Variants in PCDHGB5 observed in about 807,000 individuals in gnomAD.
PCDHGB5 encodes the protein protocadherin gamma subfamily B, 5.
A neutral mutation model predicts 62.9 loss-of-function variants in PCDHGB5; 48 were observed. That is an observed-to-expected ratio of 0.76 (90% CI 0.61 to 0.97). The LOEUF (loss-of-function observed/expected upper bound fraction) is 0.97, where lower values mean the gene tolerates loss of function less well. PCDHGB5 is among the 50% of genes least tolerant of loss of function. The pLI is 0.00. For missense variants in PCDHGB5, 1,118 were observed against 1,198.6 expected, an observed-to-expected ratio of 0.93 and a Z score of 0.99; for synonymous variants, 474 against 511.2, an observed-to-expected ratio of 0.93 and a Z score of 0.98.
At chr5:141,454,953 G>A (rs1304192945) in intron 1 of PCDHGB5, among the ~76,000 whole-genome samples, 4 of 150,686 alleles carry the variant, frequency 2.7e-5, no homozygotes, top group Admixed American at 6.6e-5. Context: ...GACTACAGGC[G>A]CCGGCCACCA....
chr5:141,414,850 C>T, intron 1 of PCDHGB5: 1 of 1,614,212 alleles, frequency 6.2e-7, no homozygotes, highest in Non-Finnish European at 8.5e-7. Flanking sequence ...TGTGCTGGAC[C>T]AGAACGACAA....
chr5:141,500,493 G>A (rs1239876467), intron 2 of PCDHGB5, among the ~76,000 whole-genome samples: 1 of 152,166 alleles, frequency 6.6e-6, no homozygotes, highest in Admixed American at 6.5e-5. Context: ...ACAGGCGTGA[G>A]CCACCGCGCC....
chr5:141,414,413 C>T, intron 1 of PCDHGB5: 1 of 1,613,830 alleles, frequency 6.2e-7, no homozygotes. Flanking sequence ...ATACACAGAG[C>T]CCTTGACAGG....
intron 1 of PCDHGB5, among the ~76,000 whole-genome samples, chr5:141,488,139 T>A (rs906194527): frequency 6.6e-6 from 1 of 152,084 alleles, no homozygotes; most frequent in Non-Finnish European, 1.5e-5. Context: ...AGGAGAGAAC[T>A]AAAGGAATAG....
chr5:141,497,412 A>G (rs963440048), intron 2 of PCDHGB5, among the ~76,000 whole-genome samples: 13 of 151,982 alleles, frequency 8.6e-5, no homozygotes, highest in African/African-American at 3.1e-4. Flanking sequence ...CTCCCATTCC[A>G]TCAAATGAGA....
At position 141,398,675 on chromosome 5, in the gene PCDHGB5, A is replaced by G. The variant is rs1462726875; in HGVS notation, c.548A>G (p.Lys183Arg). The change falls in exon 1 of 4, where the codon AAG becomes AGG. Residue 183 changes from lysine to arginine, a missense_variant. Coordinates refer to ENST00000617380, the MANE Select transcript of PCDHGB5 (RefSeq NM_018925.3). ...AACCCAAGTTTCTCATTAATAATTA[A>G]GGAGAAACAGGATGGTAGTAAATAC... is the stretch of plus-strand genomic sequence containing the variant. ...SLNPSFSLII[K>R]EKQDGSKYPE... 6.2e-6 allele frequency: 10 copies of G among 1,613,974 alleles called. No individual in the cohort carries two copies. The highest frequency in any genetic ancestry group is 2.2e-5 in the East Asian group (1 of 44,890).
intron 1 of PCDHGB5, among the ~76,000 whole-genome samples, chr5:141,447,954 CGGACACCTA>C (rs2098556369): frequency 6.6e-6 from 1 of 151,814 alleles, no homozygotes; most frequent in Non-Finnish European, 1.5e-5. Context: ...GGCATGGTGG[CGGACACCTA>C]TAATCCCAGC....
intron 1 of PCDHGB5, among the ~76,000 whole-genome samples, chr5:141,425,699 G>A (rs535043616): frequency 6.6e-6 from 1 of 152,260 alleles, no homozygotes; most frequent in Non-Finnish European, 1.5e-5. Context: ...ATTTCATAGT[G>A]GTCAAAATTT....
chr5:141,509,350 G>C (rs2099876432), intron 3 of PCDHGB5, among the ~76,000 whole-genome samples: 5 of 152,142 alleles, frequency 3.3e-5, no homozygotes. Flanking sequence ...GGGCTGGCCT[G>C]GGCATCCCTG....
Position 141,432,044 on chromosome 5 carries a change from A to T in PCDHGB5, c.2397+31520A>T. 6.2e-7 allele frequency: 1 copy of T among 1,613,886 alleles called. No individual in the cohort carries two copies. Among genetic ancestry groups the T allele is most frequent in the Non-Finnish European group, 8.5e-7 (1 of 1,179,922 alleles). ...CACAGTGACCGCCACTGACCGGGGA[A>T]CCCCGCCCCTATCCACGGAAACTCA... On this transcript the variant is annotated intron_variant, in intron 1 of 3. Coordinates refer to ENST00000617380, the MANE Select transcript of PCDHGB5 (RefSeq NM_018925.3). This position sits in a 1 kb window ranked among gnomAD's most constrained non-coding sequence, Gnocchi z 6.0.
intron 1 of PCDHGB5, chr5:141,410,939 C>T (rs960754863): frequency 5.1e-5 from 10 of 195,446 alleles, no homozygotes; most frequent in South Asian, 1.1e-4. Flanking sequence ...CTGCAACCTC[C>T]GCCTTCTGGG....
rs769671283 is a variant in PCDHGB5, at chr5:141,511,391, C to A, written c.*218C>A. 1 of 1,079,748 alleles carries A rather than the reference C, an allele frequency of 9.3e-7. No homozygotes were observed. The allele number at this position is 1,079,748 out of a possible 1,614,324, so 66.9% of individuals were successfully genotyped here. On this transcript the variant is annotated 3_prime_UTR_variant, in exon 4 of 4. Transcript: ENST00000617380. ...TGCAAAAGCAGTTCCGCTGGGAACC[C>A]CCATCCAATCAACTGCTGTACCCAT...
chr5:141,443,166 C>T (rs914863821), intron 1 of PCDHGB5, among the ~76,000 whole-genome samples: 2 of 152,124 alleles, frequency 1.3e-5, no homozygotes, highest in African/African-American at 4.8e-5. Context: ...ATTTCCCTAC[C>T]CATGTCCACT....
In PCDHGB5 at chr5:141,454,796, A is replaced by ATTTTTTTTTTTTTTTTTTTTT. The variant is rs61612330; in HGVS notation, c.2398-40002_2398-39982dup. Reference sequence around the variant, plus strand: ...AAGGAAATAATCCTCCATGGTTCTAATTTTTTTTTTTTTTTTTTTTTTTTT... The same window carrying ATTTTTTTTTTTTTTTTTTTTT: ...AAGGAAATAATCCTCCATGGTTCTAATTTTTTTTTTTTTTTTTTTTTTTTTTTTTTTTTTTTTTTTTTTTTT... On this transcript the variant is annotated intron_variant, in intron 1 of 3. Transcript: ENST00000617380. Among the ~76,000 whole-genome samples, 10 of 77,454 alleles carry ATTTTTTTTTTTTTTTTTTTTT rather than the reference A, an allele frequency of 1.3e-4. 1 individual carries two copies. Among genetic ancestry groups the ATTTTTTTTTTTTTTTTTTTTT allele is most frequent in the Non-Finnish European group, 1.9e-4 (8 of 42,810 alleles). The allele number at this position is 77,454 out of a possible 152,430, so 50.8% of individuals were successfully genotyped here. A position where few individuals can be genotyped will look rare whatever the true frequency, so the allele number is the denominator to read the frequency against.
chr5:141,495,028 G>C, intron 2 of PCDHGB5, 163 bp downstream of exon 2: 3 of 966,196 alleles, frequency 3.1e-6, no homozygotes, highest in Non-Finnish European at 3.7e-6. Flanking sequence ...CACAGACCCC[G>C]GAAGGAAGAG....
intron 1 of PCDHGB5, chr5:141,423,181 C>T: frequency 1.2e-6 from 2 of 1,613,578 alleles, no homozygotes; most frequent in East Asian, 2.2e-5. Flanking sequence ...GGACCACGGC[C>T]AGCCCCCTCT....
chr5:141,409,179 G>A, intron 1 of PCDHGB5: 1 of 1,613,988 alleles, frequency 6.2e-7, no homozygotes. Context: ...GACGGAGGTG[G>A]TCTCTCTACC....
At chr5:141,419,556 C>A (rs202164819) in intron 1 of PCDHGB5, 227 of 1,611,892 alleles carry the variant, frequency 1.4e-4, no homozygotes, top group Non-Finnish European at 8.6e-5. Context: ...CTGTACCCTG[C>A]GCTGGGTCCC....
Position 141,511,072 on chromosome 5 carries a change from A to C in PCDHGB5, c.2671A>C (p.Ser891Arg). The C allele has an allele frequency of 6.2e-7, 1 of 1,614,252 alleles. No individual in the cohort carries two copies. Among genetic ancestry groups the C allele is most frequent in the Non-Finnish European group, 8.5e-7 (1 of 1,180,034 alleles). Residue 891 changes from serine to arginine, a missense_variant, in exon 4 of 4, where the codon AGC (serine) becomes CGC (arginine). Ser to Arg is a moderately radical substitution (Grantham distance 110). This residue lies in a region of PCDHGB5 where 1,034 missense variants were observed against 1,029.1 expected (regional missense o/e 1.00). Coordinates refer to ENST00000617380, the MANE Select transcript of PCDHGB5 (RefSeq NM_018925.3). ...CCGCCAGAATGTCTACATCCCAGGC[A>C]GCAATGCCACACTGACCAACGCAGC... ...DYRQNVYIPG[S>R]NATLTNAAGK...
Sources: allele counts gnomAD v4.1 joint callset (sites outside exome capture counted in the v4.1 genomes callset), GRCh38; gene constraint gnomAD v4.1.1; regional missense constraint gnomAD v4.1.1; non-coding constraint Gnocchi (gnomAD v3.1); transcripts MANE v1.5; gene names NCBI Gene and HGNC (gene_info 2026-07-23, HGNC 2026-07-21).